PRKN: variants seen among roughly 807,000 people sequenced by gnomAD.
PRKN encodes E3 ubiquitin-protein ligase parkin.
In PRKN, 56 loss-of-function variants were observed where a neutral mutation model predicts 59.5. That is an observed-to-expected ratio of 0.94 (90% CI 0.76 to 1.18). The LOEUF is 1.18. Among genes scored for constraint, PRKN ranks in the 50% most tolerant of loss-of-function variants. The pLI is 0.00. For synonymous variants in PRKN, 250 were observed against 222.1 expected (o/e 1.13, Z -1.12); for missense variants, 657 against 596.4 (o/e 1.10, Z -1.06).
chr6:162,273,536 T>C (rs1780483966), intron 2 of PRKN, among the ~76,000 whole-genome samples: 1 of 152,208 alleles, frequency 6.6e-6, no homozygotes, highest in Non-Finnish European at 1.5e-5. Flanking sequence ...TGATTACTGG[T>C]ATGATATAGG....
intron 2 of PRKN, among the ~76,000 whole-genome samples, chr6:162,407,173 C>T (rs1420748815): frequency 6.6e-6 from 1 of 152,128 alleles, no homozygotes; most frequent in African/African-American, 2.4e-5. Flanking sequence ...ACTTAAAATA[C>T]TTTTATCTAA....
At chr6:162,633,953 G>A (rs1016856009) in intron 1 of PRKN, among the ~76,000 whole-genome samples, 2 of 152,146 alleles carry the variant, frequency 1.3e-5, no homozygotes. Flanking sequence ...AAACAGTAAA[G>A]GAGAAATGAG....
At chr6:161,678,652 C>A (rs772180971) in intron 7 of PRKN, among the ~76,000 whole-genome samples, 21 of 149,832 alleles carry the variant, frequency 1.4e-4, no homozygotes, top group Non-Finnish European at 2.7e-4. Context: ...GCTCACTGCA[C>A]CTCCCGGGTT....
intron 5 of PRKN, among the ~76,000 whole-genome samples, chr6:162,049,127 G>A (rs769136054): frequency 6.6e-6 from 1 of 151,976 alleles, no homozygotes; most frequent in Non-Finnish European, 1.5e-5. Context: ...AAAACCAAGG[G>A]TAAACTTTAC....
intron 1 of PRKN, among the ~76,000 whole-genome samples, chr6:162,490,638 A>G (rs1290425387): frequency 6.6e-6 from 1 of 152,234 alleles, no homozygotes; most frequent in Non-Finnish European, 1.5e-5. Flanking sequence ...AATGATTTTA[A>G]TAATAGACTA....
At chr6:162,603,337 T>C (rs1781783180) in intron 1 of PRKN, among the ~76,000 whole-genome samples, 1 of 152,166 alleles carries the variant, frequency 6.6e-6, no homozygotes, top group Non-Finnish European at 1.5e-5. Context: ...AAATACATAC[T>C]CGCTTTCTCT....
intron 1 of PRKN, among the ~76,000 whole-genome samples, chr6:162,525,477 C>T (rs1421089390): frequency 1.3e-5 from 2 of 152,172 alleles, no homozygotes; most frequent in Non-Finnish European, 2.9e-5. Context: ...ATCCAAATCC[C>T]ACCTGCCCCG....
chr6:162,643,253 C>A (rs1169311006), intron 1 of PRKN, among the ~76,000 whole-genome samples: 1 of 151,798 alleles, frequency 6.6e-6, no homozygotes, highest in Non-Finnish European at 1.5e-5. Context: ...TAAAAATTAA[C>A]CAGGCATGGT....
intron 9 of PRKN, among the ~76,000 whole-genome samples, chr6:161,415,594 C>T (rs1226729232): frequency 7.2e-5 from 1 of 13,940 alleles, no homozygotes; most frequent in Non-Finnish European, 1.6e-4. Flanking sequence ...GAAATGTCGC[C>T]CCCCCCCCCC....
intron 9 of PRKN, among the ~76,000 whole-genome samples, chr6:161,541,182 A>G (rs1779602381): frequency 6.6e-6 from 1 of 152,200 alleles, no homozygotes; most frequent in Non-Finnish European, 1.5e-5. Context: ...GCACTGTTCA[A>G]TACAGTAGCC....
At chr6:162,446,243 A>G (rs1477647385) in intron 1 of PRKN, among the ~76,000 whole-genome samples, 1 of 152,136 alleles carries the variant, frequency 6.6e-6, no homozygotes, top group Non-Finnish European at 1.5e-5. Flanking sequence ...AAAAGATATG[A>G]CCCCAGTTCT....
chr6:162,539,917 ATTTAT>A (rs1177154087), intron 1 of PRKN, among the ~76,000 whole-genome samples: 1 of 152,104 alleles, frequency 6.6e-6, no homozygotes, highest in South Asian at 2.1e-4. Context: ...ATTGTTGCGA[ATTTAT>A]TTTATTTTGT....
At chr6:162,676,537 G>A (rs1411794451) in intron 1 of PRKN, among the ~76,000 whole-genome samples, 1 of 152,102 alleles carries the variant, frequency 6.6e-6, no homozygotes, top group Admixed American at 6.6e-5. Flanking sequence ...GCCAAAAGAA[G>A]TGCCCAAGAA....
In PRKN at chr6:161,366,982, CTT is replaced by C. The variant is rs57164972; in HGVS notation, c.1168-6779_1168-6778del. 6.9e-3 allele frequency among the ~76,000 whole-genome samples: 637 copies of C among 91,944 alleles called. 29 individuals are homozygous for C. Among genetic ancestry groups the C allele is most frequent in the African/African-American group, 0.025 (578 of 23,224 alleles). 60.3% of individuals were successfully genotyped at this position (91,944 alleles called of 152,430 possible). ...AAGTTTTTTGGGGTTTTTTTGTTTC[CTT>C]TTTTTTTTTTTTTTTTTTTTTTTTG... On this transcript the variant is annotated intron_variant, in intron 10 of 11. Transcript: ENST00000366898.
intron 6 of PRKN, among the ~76,000 whole-genome samples, chr6:161,859,218 C>T (rs569799390): frequency 6.6e-6 from 1 of 152,174 alleles, no homozygotes; most frequent in African/African-American, 2.4e-5. Flanking sequence ...TTTTCACACA[C>T]ATGCCCCAAA....
At chr6:161,644,995 C>G (rs186625788) in intron 7 of PRKN, among the ~76,000 whole-genome samples, 28 of 152,200 alleles carry the variant, frequency 1.8e-4, no homozygotes, top group Admixed American at 1.7e-3. Context: ...ATCATTTATC[C>G]TTATAGCCAA....
At chr6:161,833,647 G>C (rs1363171941) in intron 6 of PRKN, among the ~76,000 whole-genome samples, 1 of 152,174 alleles carries the variant, frequency 6.6e-6, no homozygotes, top group Non-Finnish European at 1.5e-5. Flanking sequence ...GGGATGGAGT[G>C]AGCAGATCGG....
intron 9 of PRKN, among the ~76,000 whole-genome samples, chr6:161,411,852 T>A (rs1241218247): frequency 1.4e-5 from 2 of 139,350 alleles, no homozygotes; most frequent in African/African-American, 5.6e-5. Context: ...CCTCCCTCAT[T>A]CCTTCCTCAC....
intron 9 of PRKN, among the ~76,000 whole-genome samples, chr6:161,455,373 A>G (rs1193457017): frequency 6.6e-6 from 1 of 152,222 alleles, no homozygotes; most frequent in African/African-American, 2.4e-5. Context: ...CACAATGGCC[A>G]GCATGCAGAA....
Sources: gnomAD v4.1 joint callset for allele counts (sites outside exome capture counted in the v4.1 genomes callset) on GRCh38, gnomAD v4.1.1 for gene constraint, MANE v1.5 for transcripts, NCBI Gene and HGNC (gene_info 2026-07-23, HGNC 2026-07-21) for gene names.